Variants in TBC1D10A observed in about 807,000 individuals in gnomAD.
The protein encoded by TBC1D10A is TBC1 domain family member 10A.
TBC1D10A carries 24 observed loss-of-function variants against 52.9 expected under a neutral mutation model. That is an observed-to-expected ratio of 0.45 (90% confidence interval 0.33 to 0.64). TBC1D10A has a LOEUF of 0.64. TBC1D10A is among the 30% of genes least tolerant of loss of function. The pLI is 0.02. For missense variants in TBC1D10A, 602 were observed against 687.9 expected (o/e 0.88, Z 1.40); for synonymous variants, 278 against 282.9 (o/e 0.98, Z 0.17).
chr22:30,318,791 C>G (rs1171479818), intron 1 of TBC1D10A: 1 of 453,698 alleles, frequency 2.2e-6, no homozygotes, highest in African/African-American at 2.0e-5. Context: ...CCCAACAGGT[C>G]TCACTGCCTG....
chr22:30,308,312 CTGCATGCCTGCA>C (rs1403159576), intron 1 of TBC1D10A, among the ~76,000 whole-genome samples: 3 of 134,146 alleles, frequency 2.2e-5, no homozygotes, highest in Non-Finnish European at 5.0e-5. Flanking sequence ...GCCTGCCTGC[CTGCATGCCTGCA>C]TGCCTGCATG....
Position 30,326,673 on chromosome 22 carries a change from G to A in TBC1D10A, c.209C>T (p.Ala70Val), listed in dbSNP as rs1930782828. 2 of 1,550,162 alleles carry A rather than the reference G, an allele frequency of 1.3e-6. No individual in the cohort carries two copies. The highest frequency in any genetic ancestry group is 5.2e-5 in the East Asian group (2 of 38,136). ...FIVGSQGAEG[A>V]LEEVPLEVLR... is the part of the protein sequence containing the mutation. ...AGTCCCGACCCCCGGCGCTACTCACGCGCCCTCGGCGCCCTGCGAGCCCAC... is the reference window on the plus strand; with the variant it reads ...AGTCCCGACCCCCGGCGCTACTCACACGCCCTCGGCGCCCTGCGAGCCCAC... Residue 70 changes from alanine (A) to valine (V), a missense_variant and splice_region_variant, in exon 1 of 9, where the codon GCG becomes GTG. Coordinates refer to ENST00000215790, the MANE Select transcript of TBC1D10A (RefSeq NM_031937.3).
At chr22:30,312,211 A>AC (rs527635794) in intron 1 of TBC1D10A, among the ~76,000 whole-genome samples, 6 of 152,348 alleles carry the variant, frequency 3.9e-5, no homozygotes, top group African/African-American at 1.2e-4. Flanking sequence ...CACTGCAGGC[A>AC]CCCAGGGGCC....
At position 30,300,865 on chromosome 22, in the gene TBC1D10A, C is replaced by T. The variant is rs572219611; in HGVS notation, c.310-1314G>A. On this transcript the variant is annotated intron_variant, in intron 2 of 8. Transcript: ENST00000215790. ...AATGGCCCAGGTCTTCTCTGCCACT[C>T]GTAGAATGGGAGAAGTGAGGGAGGA... Among the ~76,000 whole-genome samples the T allele has an allele frequency of 6.8e-4, 104 of 152,310 alleles. 1 individual carries two copies. Among genetic ancestry groups the T allele is most frequent in the African/African-American group, 2.5e-3 (102 of 41,566 alleles).
In TBC1D10A at chr22:30,292,049, A is replaced by G; in HGVS notation, c.*326T>C. ...CATGTTTCTATTTTACACAAAGAAC[A>G]CCCCACCCTTTCCCCTCACACCAGC... On this transcript the variant is annotated 3_prime_UTR_variant, in exon 9 of 9. Coordinates refer to ENST00000215790, the MANE Select transcript of TBC1D10A (RefSeq NM_031937.3). 2 of 311,310 alleles carry G rather than the reference A, an allele frequency of 6.4e-6. No individual in the cohort carries two copies. The highest frequency in any genetic ancestry group is 4.6e-5 in the Admixed American group (1 of 21,576). The allele number at this position is 311,310 out of a possible 1,614,324, so 19.3% of individuals were successfully genotyped here. A position where few individuals can be genotyped will look rare whatever the true frequency, so the allele number is the denominator to read the frequency against.
chr22:30,293,502 G>GT (rs1929997328), intron 8 of TBC1D10A, 149 bp downstream of exon 8: 1 of 1,177,596 alleles, frequency 8.5e-7, no homozygotes, highest in East Asian at 2.4e-5. Flanking sequence ...CAGACAGAAG[G>GT]ATGAGGTCCA....
At chr22:30,299,579 A>C in intron 2 of TBC1D10A, 28 bp from the exon 3 acceptor site, 1 of 1,610,334 alleles carries the variant, frequency 6.2e-7, no homozygotes, top group Non-Finnish European at 8.5e-7. Flanking sequence ...AGCTGAGCCC[A>C]TGCAGCCACC....
chr22:30,309,215 C>T (rs2145775972), intron 1 of TBC1D10A, among the ~76,000 whole-genome samples: 1 of 152,008 alleles, frequency 6.6e-6, no homozygotes, highest in South Asian at 2.1e-4. Context: ...ACCTCAGGTG[C>T]AGATGGTAAG....
intron 3 of TBC1D10A, chr22:30,296,708 A>C (rs746333811): frequency 6.6e-6 from 1 of 152,268 alleles, no homozygotes; most frequent in Non-Finnish European, 1.5e-5. Flanking sequence ...CTTGATCTGC[A>C]TGTTGGTTAC....
chr22:30,315,223 C>T (rs1456236253), intron 1 of TBC1D10A, among the ~76,000 whole-genome samples: 1 of 152,142 alleles, frequency 6.6e-6, no homozygotes, highest in East Asian at 1.9e-4. Flanking sequence ...CAGATTTTCA[C>T]CCCAAAGCTG....
At chr22:30,319,361 A>G (rs1930604931) in intron 1 of TBC1D10A, among the ~76,000 whole-genome samples, 1 of 152,250 alleles carries the variant, frequency 6.6e-6, no homozygotes, top group South Asian at 2.1e-4. Flanking sequence ...AAACACAGAC[A>G]TCTTGTTCAG....
At position 30,293,916 on chromosome 22, in the gene TBC1D10A, A is replaced by T; in HGVS notation, c.895+5T>A. The T allele has an allele frequency of 6.2e-7, 1 of 1,612,100 alleles. No individual in the cohort carries two copies. Among genetic ancestry groups the T allele is most frequent in the Admixed American group, 1.7e-5 (1 of 60,004 alleles). On this transcript the variant is annotated splice_donor_5th_base_variant and intron_variant, in intron 7 of 8. Transcript: ENST00000215790. ...GGGGTGCTCCCCCCAAGCCCAGCCC[A>T]GTACCTTCACAGAAGAACATGTCCC...
intron 3 of TBC1D10A, 31 bp downstream of exon 3, chr22:30,299,413 G>T (rs1354329722): frequency 6.2e-7 from 1 of 1,604,550 alleles, no homozygotes; most frequent in South Asian, 1.1e-5. Flanking sequence ...AGATGCGGAA[G>T]GGAGGGCAGG....
chr22:30,312,194 A>G (rs1930439736), intron 1 of TBC1D10A, among the ~76,000 whole-genome samples: 1 of 152,220 alleles, frequency 6.6e-6, no homozygotes, highest in South Asian at 2.1e-4. Flanking sequence ...TCCTTGGATC[A>G]CAATCTCACT....
At chr22:30,294,727 A>C (rs1930034747) in intron 6 of TBC1D10A, 69 bp downstream of exon 6, 2 of 1,603,268 alleles carry the variant, frequency 1.2e-6, no homozygotes, top group African/African-American at 2.7e-5. Context: ...AGTTACTATG[A>C]GAGAAGGGCC....
intron 1 of TBC1D10A, among the ~76,000 whole-genome samples, chr22:30,313,749 T>A (rs1331471275): frequency 6.6e-6 from 1 of 151,660 alleles, no homozygotes; most frequent in African/African-American, 2.4e-5. Context: ...CCTCAGACAC[T>A]CTGAATTTCA....
intron 6 of TBC1D10A, 141 bp downstream of exon 6, chr22:30,294,655 G>T: frequency 1.0e-6 from 1 of 994,122 alleles, no homozygotes; most frequent in South Asian, 1.5e-5. Context: ...CCTAACCCTG[G>T]CAGGCCTTGG....
chr22:30,294,691 G>T, intron 6 of TBC1D10A, 105 bp downstream of exon 6: 2 of 1,477,928 alleles, frequency 1.4e-6, no homozygotes, highest in Non-Finnish European at 9.4e-7. Context: ...GCAACAGAAG[G>T]CCGGAAAGTT....
chr22:30,292,590 G>C lies in TBC1D10A; in HGVS notation c.1312C>G (p.Gln438Glu), dbSNP rs973386659. 36 of 1,613,648 alleles carry C rather than the reference G, an allele frequency of 2.2e-5. 2 individuals are homozygous for C. The highest frequency in any genetic ancestry group is 2.5e-6 in the Non-Finnish European group (3 of 1,179,912). ...PKQAQKEQRK[Q>E]MKGRGQLEKP... ...TCCAGCTGCCCTCTCCCCTTCATCT[G>C]TTTCCGCTGCTCCTTCTGGGCCTGC... Residue 438 changes from glutamine to glutamate, a missense_variant, in exon 9 of 9, where the codon CAG (glutamine) becomes GAG (glutamate). Gln to Glu is a conservative substitution (Grantham distance 29). Coordinates refer to ENST00000215790, the MANE Select transcript of TBC1D10A (RefSeq NM_031937.3).
Sources: gnomAD v4.1 joint callset for allele counts (sites outside exome capture counted in the v4.1 genomes callset) on GRCh38, gnomAD v4.1.1 for gene constraint, MANE v1.5 for transcripts, NCBI Gene and HGNC (gene_info 2026-07-23, HGNC 2026-07-21) for gene names.